Variants in IMPDH1 observed in about 807,000 individuals in gnomAD.
IMPDH1 encodes the protein inosine monophosphate dehydrogenase 1.
Under a neutral mutation model 73.5 loss-of-function variants are expected in IMPDH1, and 41 were observed. The ratio of observed to expected loss-of-function variants is 0.56; its 90% CI spans 0.43 to 0.72. IMPDH1 has a LOEUF of 0.72. IMPDH1 is among the 30% of genes least tolerant of loss of function. The pLI, the probability that IMPDH1 is intolerant of heterozygous loss-of-function variation, is 0.00. For missense variants in IMPDH1, 645 were observed against 824.8 expected, an observed-to-expected ratio of 0.78 and a Z score of 2.67; for synonymous variants, 318 against 334.3, an observed-to-expected ratio of 0.95 and a Z score of 0.53.
rs1334178141 is a variant in IMPDH1 at position 128,409,827 on chromosome 7, T to C, written c.75A>G (p.Gln25=). 4.0e-6 allele frequency: 6 copies of C among 1,496,948 alleles called. No individual in the cohort carries two copies. Among genetic ancestry groups the C allele is most frequent in the African/African-American group, 2.9e-5 (2 of 68,652 alleles). 92.7% of individuals were successfully genotyped at this position (1,496,948 alleles called of 1,614,324 possible). A position where few individuals can be genotyped will look rare whatever the true frequency, so the allele number is the denominator to read the frequency against. Residue 25 remains glutamine, a synonymous_variant, in exon 1 of 17, where the codon CAA becomes CAG. Transcript: ENST00000338791. ...AAAVPEPGAR[Q]HPGHETAAQR... is the part of the protein sequence containing the mutation. ...GCGCCGCCGTCTCGTGTCCCGGGTGTTGCCGGGCTCCGGGCTCCGGAACAG... is the reference window on the plus strand; with the variant it reads ...GCGCCGCCGTCTCGTGTCCCGGGTGCTGCCGGGCTCCGGGCTCCGGAACAG...
intron 4 of IMPDH1, 126 bp from the exon 5 acceptor site, chr7:128,403,880 C>G: frequency 3.7e-6 from 3 of 808,036 alleles, no homozygotes; most frequent in Non-Finnish European, 6.4e-6. Context: ...TACAGCCCCC[C>G]ATCCCTACTG....
Position 128,409,967 on chromosome 7 carries a change from C to G in IMPDH1, c.-66G>C. The G allele has an allele frequency of 7.8e-7, 1 of 1,289,320 alleles. No homozygotes were observed. The highest frequency in any genetic ancestry group is 9.8e-7 in the Non-Finnish European group (1 of 1,016,820). The allele number at this position is 1,289,320 out of a possible 1,614,324, so 79.9% of individuals were successfully genotyped here. A position where few individuals can be genotyped will look rare whatever the true frequency, so the allele number is the denominator to read the frequency against. On this transcript the variant is annotated 5_prime_UTR_variant, in exon 1 of 17. Coordinates refer to ENST00000338791, the MANE Select transcript of IMPDH1 (RefSeq NM_000883.4). ...CCCGGGGCCCCGGCTGGGCAGTGAG[C>G]GCAGCCCGGTCGAGTCCCGAGGAGG...
intron 7 of IMPDH1, 74 bp downstream of exon 7, chr7:128,400,743 C>T: frequency 7.5e-7 from 1 of 1,341,574 alleles, no homozygotes; most frequent in South Asian, 1.2e-5. Context: ...GCAGGGCTGG[C>T]AGGGGAGGCT....
Position 128,405,787 on chromosome 7 carries a change from G to A in IMPDH1, c.333C>T (p.Ser111=). Residue 111 remains serine, a synonymous_variant, in exon 4 of 17, where the codon AGC becomes AGT. Coordinates refer to ENST00000338791, the MANE Select transcript of IMPDH1 (RefSeq NM_000883.4). The part of the protein sequence containing the change: ...DGLTAQQLFA[S]ADGLTYNDFL... ...CTTACTTGTAGGTGAGGCCGTCGGC[G>A]CTGGCGAAGAGCTGCTGCGCGGTGA... 1 of 1,540,104 alleles carries A rather than the reference G, an allele frequency of 6.5e-7. No individual in the cohort carries two copies. The highest frequency in any genetic ancestry group is 2.5e-5 in the East Asian group (1 of 40,028).
At chr7:128,397,960 C>T (rs1437151170) in intron 10 of IMPDH1, among the ~76,000 whole-genome samples, 1 of 152,118 alleles carries the variant, frequency 6.6e-6, no homozygotes, top group Non-Finnish European at 1.5e-5. Flanking sequence ...CTGTTTAGCT[C>T]CTACTTATAA....
At chr7:128,400,286 G>T in intron 8 of IMPDH1, 47 bp downstream of exon 8, 1 of 1,601,366 alleles carries the variant, frequency 6.2e-7, no homozygotes, top group Non-Finnish European at 8.6e-7. Context: ...GCCCCAGCGT[G>T]AGGGTCCTCT....
In IMPDH1 at chr7:128,394,275, T is replaced by TA; in HGVS notation, c.1778+2dup. 6.2e-7 allele frequency: 1 copy of TA among 1,613,192 alleles called. No homozygotes were observed. Among genetic ancestry groups the TA allele is most frequent in the East Asian group, 2.2e-5 (1 of 44,842 alleles). On this transcript the variant is annotated splice_region_variant and intron_variant, in intron 16 of 16. Coordinates refer to ENST00000338791, the MANE Select transcript of IMPDH1 (RefSeq NM_000883.4). The surrounding 1 kb of genome is among the most constrained non-coding windows in gnomAD (Gnocchi z 5.5). ...GTGACAGCAAGGAGGCCACCACACT[T>TA]ACGAGTGCAGGCCATGGACACCACC...
In IMPDH1 at chr7:128,398,762, A is replaced by G. The variant is rs1382119367; in HGVS notation, c.875-149T>C. On this transcript the variant is annotated intron_variant, in intron 9 of 16. Transcript: ENST00000338791. This position sits in a 1 kb window ranked among gnomAD's most constrained non-coding sequence, Gnocchi z 4.3. The stretch of plus-strand genomic sequence containing the variant: ...CTAGGTGACAGCACCGCCCCCAGGA[A>G]GTGTTCCTAGGGACCTAGCCCTCTT... 9.1e-6 allele frequency: 6 copies of G among 660,124 alleles called. 1 individual carries two copies. Among genetic ancestry groups the G allele is most frequent in the Non-Finnish European group, 1.7e-5 (6 of 363,288 alleles). The allele number at this position is 660,124 out of a possible 1,614,324, so 40.9% of individuals were successfully genotyped here.
chr7:128,409,428 G>T lies in IMPDH1; in HGVS notation c.190+13C>A. ...CCAGCAAGCACTGTTTGAACCCCAG[G>T]AGTTGGAGCCACCTGAACGGGGTGT... On this transcript the variant is annotated intron_variant, in intron 2 of 16. Coordinates refer to ENST00000338791, the MANE Select transcript of IMPDH1 (RefSeq NM_000883.4). 1 of 1,614,202 alleles carries T rather than the reference G, an allele frequency of 6.2e-7. No homozygotes were observed. The highest frequency in any genetic ancestry group is 8.5e-7 in the Non-Finnish European group (1 of 1,180,012).
Position 128,395,203 on chromosome 7 carries a change from G to A in IMPDH1, c.1333C>T (p.Pro445Ser). ...TGGATGCCGCCATCGGCTATGATGG[G>A]CACACCAAAGCGCCGGGCATACTCA... ...VAEYARRFGV[P>S]IIADGGIQTV... The change falls in exon 13 of 17, where the codon CCC becomes TCC. Residue 445 changes from proline to serine, a missense_variant. Physicochemically the swap from Pro to Ser is moderately conservative, Grantham distance 74 (BLOSUM62 -1). Transcript: ENST00000338791. 1 of 1,613,964 alleles carries A rather than the reference G, an allele frequency of 6.2e-7. No individual in the cohort carries two copies. The highest frequency in any genetic ancestry group is 8.5e-7 in the Non-Finnish European group (1 of 1,180,046).
In IMPDH1 at chr7:128,392,752, G is replaced by A. The variant is rs1395783123; in HGVS notation, c.*255C>T. 3 of 533,582 alleles carry A rather than the reference G, an allele frequency of 5.6e-6. No homozygotes were observed. Among genetic ancestry groups the A allele is most frequent in the Non-Finnish European group, 1.0e-5 (3 of 296,142 alleles). 33.1% of individuals were successfully genotyped at this position (533,582 alleles called of 1,614,324 possible). A position where few individuals can be genotyped will look rare whatever the true frequency, so the allele number is the denominator to read the frequency against. On this transcript the variant is annotated 3_prime_UTR_variant, in exon 17 of 17. Coordinates refer to ENST00000338791, the MANE Select transcript of IMPDH1 (RefSeq NM_000883.4). ...GCAAGAAAGACCTGAGGCAGGCGCA[G>A]GGCCTGAGAGCCTGGCTGGCTGGGC...
Position 128,394,474 on chromosome 7 carries a change from C to T in IMPDH1, c.1676G>A (p.Arg559His), listed in dbSNP as rs754158159. 1.2e-5 allele frequency: 19 copies of T among 1,613,950 alleles called. No individual in the cohort carries two copies. Among genetic ancestry groups the T allele is most frequent in the Middle Eastern group, 1.6e-4 (1 of 6,080 alleles). The change falls in exon 15 of 17, where the codon CGC becomes CAC. Residue 559 changes from arginine to histidine, a missense_variant. Transcript: ENST00000338791. This position sits in a 1 kb window ranked among gnomAD's most constrained non-coding sequence, Gnocchi z 5.5. Reference sequence around the variant, plus strand: ...CACTCACCGAAGGACAGACAGGCTGCGGGCCCCGATATCCTGGCAGCCGTG... The same window carrying T: ...CACTCACCGAAGGACAGACAGGCTGTGGGCCCCGATATCCTGGCAGCCGTG... ...IQHGCQDIGARSLSVLRSMMY... is the reference protein window; with the variant it reads ...IQHGCQDIGAHSLSVLRSMMY...
intron 3 of IMPDH1, 59 bp from the exon 4 acceptor site, chr7:128,405,924 CGCTGCTGCT>C (rs1210776314): frequency 4.1e-5 from 60 of 1,447,174 alleles, no homozygotes; most frequent in Non-Finnish European, 5.1e-5. Flanking sequence ...CCGCTGCCGC[CGCTGCTGCT>C]GCTGCTACTG....
Position 128,395,148 on chromosome 7 carries a change from G to T in IMPDH1, c.1388C>A (p.Ala463Asp). The T allele has an allele frequency of 1.2e-6, 2 of 1,614,016 alleles. No individual in the cohort carries two copies. Among genetic ancestry groups the T allele is most frequent in the Non-Finnish European group, 1.7e-6 (2 of 1,180,042 alleles). The change falls in exon 13 of 17, where the codon GCC becomes GAC. Residue 463 changes from alanine (A) to aspartate (D), a missense_variant. Physicochemically the swap from Ala to Asp is moderately radical, Grantham distance 126 (BLOSUM62 -2). This residue lies in a region of IMPDH1 where 459 missense variants were observed against 638.2 expected (regional missense o/e 0.72). Coordinates refer to ENST00000338791, the MANE Select transcript of IMPDH1 (RefSeq NM_000883.4). ...CCCCTCACCTGTGGAGGCTCCAAGG[G>T]CCAGGGCCTTGACCACGTGTCCCAC... ...QTVGHVVKAL[A>D]LGASTVMMGS...
Position 128,394,695 on chromosome 7 carries a change from T to TC in IMPDH1, c.1551-97dup. The TC allele has an allele frequency of 6.6e-7, 1 of 1,507,134 alleles. No individual in the cohort carries two copies. Among genetic ancestry groups the TC allele is most frequent in the Non-Finnish European group, 9.1e-7 (1 of 1,098,116 alleles). 93.4% of individuals were successfully genotyped at this position (1,507,134 alleles called of 1,614,324 possible). On this transcript the variant is annotated intron_variant, in intron 14 of 16. Transcript: ENST00000338791. This position sits in a 1 kb window ranked among gnomAD's most constrained non-coding sequence, Gnocchi z 5.5. ...AAAAACGGGATACCGCCCAGGAAGGTCCCCCAGGCCACCCCTCACTGGGCT... is the reference window on the plus strand; with the variant it reads ...AAAAACGGGATACCGCCCAGGAAGGTCCCCCCAGGCCACCCCTCACTGGGCT...
chr7:128,398,617 A>G lies in IMPDH1; in HGVS notation c.875-4T>C, dbSNP rs1294500608. 1.2e-6 allele frequency: 2 copies of G among 1,611,844 alleles called. No homozygotes were observed. The stretch of plus-strand genomic sequence containing the variant: ...TCATTGACGATAGGCAGCTTCCCTG[A>G]CAAGGAATGCAGGGGTGAAATGAAG... On this transcript the variant is annotated splice_polypyrimidine_tract_variant and splice_region_variant and intron_variant, in intron 9 of 16. Coordinates refer to ENST00000338791, the MANE Select transcript of IMPDH1 (RefSeq NM_000883.4). This position sits in a 1 kb window ranked among gnomAD's most constrained non-coding sequence, Gnocchi z 4.3.
At chr7:128,409,678 GC>G in intron 1 of IMPDH1, 77 bp downstream of exon 1, 1 of 1,515,820 alleles carries the variant, frequency 6.6e-7, no homozygotes, top group Non-Finnish European at 8.9e-7. Flanking sequence ...CCGCAGCGTC[GC>G]CGGGTTCCCG....
rs1797801999 is a variant in IMPDH1 at position 128,394,873 on chromosome 7, C to T, written c.1550+16G>A. 1 of 1,610,808 alleles carries T rather than the reference C, an allele frequency of 6.2e-7. No homozygotes were observed. On this transcript the variant is annotated intron_variant, in intron 14 of 16. Coordinates refer to ENST00000338791, the MANE Select transcript of IMPDH1 (RefSeq NM_000883.4). The surrounding 1 kb of genome is among the most constrained non-coding windows in gnomAD (Gnocchi z 5.5). Reference sequence around the variant, plus strand: ...TGTGGGCTGATCTGCCCAGGTGGGGCCCAGGGTCAGGGAACCTGAAGTATC... The same window carrying T: ...TGTGGGCTGATCTGCCCAGGTGGGGTCCAGGGTCAGGGAACCTGAAGTATC...
chr7:128,409,934 T>TGGAGGCTCCCGGGGCCC lies in IMPDH1; in HGVS notation c.-50_-34dup. The TGGAGGCTCCCGGGGCCC allele has an allele frequency of 7.5e-7, 1 of 1,331,836 alleles. No homozygotes were observed. Among genetic ancestry groups the TGGAGGCTCCCGGGGCCC allele is most frequent in the Non-Finnish European group, 9.6e-7 (1 of 1,046,864 alleles). 82.5% of individuals were successfully genotyped at this position (1,331,836 alleles called of 1,614,324 possible). On this transcript the variant is annotated 5_prime_UTR_variant, in exon 1 of 17. Transcript: ENST00000338791. ...CCGCAGCTCAGGGCGGGCGGGAGCCTGGAGGCTCCCGGGGCCCCGGCTGGG... is the reference window on the plus strand; with the variant it reads ...CCGCAGCTCAGGGCGGGCGGGAGCCTGGAGGCTCCCGGGGCCCGGAGGCTCCCGGGGCCCCGGCTGGG...
Sources: gnomAD v4.1 joint callset for allele counts (sites outside exome capture counted in the v4.1 genomes callset) on GRCh38, gnomAD v4.1.1 for gene constraint, gnomAD v4.1.1 regional missense constraint, Gnocchi (gnomAD v3.1) non-coding constraint, MANE v1.5 for transcripts, NCBI Gene and HGNC (gene_info 2026-07-23, HGNC 2026-07-21) for gene names.